NCOA6: variants seen among roughly 807,000 people sequenced by gnomAD.
NCOA6 encodes NRC RAP250.
NCOA6 carries 49 observed loss-of-function variants against 171.4 expected under a neutral mutation model. The ratio of observed to expected loss-of-function variants is 0.29; its 90% CI spans 0.23 to 0.36. The LOEUF (loss-of-function observed/expected upper bound fraction) is 0.36. Among genes scored for constraint, NCOA6 ranks in the 10% least tolerant of loss-of-function variants. The pLI is 1.00. For synonymous variants in NCOA6, 910 were observed against 927.5 expected (o/e 0.98, Z 0.34); for missense variants, 2,248 against 2,554.5 (o/e 0.88, Z 2.59).
At chr20:34,758,331 GA>G (rs764011060) in intron 6 of NCOA6, among the ~76,000 whole-genome samples, 21 of 152,290 alleles carry the variant, frequency 1.4e-4, no homozygotes, top group Non-Finnish European at 2.1e-4. Context: ...GTAAAACATG[GA>G]GACCAGTATT....
rs1422994729 is a variant in NCOA6, at chr20:34,742,723, C to T, written c.3533G>A (p.Gly1178Asp). ...TACAGGGGGTTGCTGGGGAGTTGCA[C>T]CTTGAGTTGCTGAAAGGGGCGATGG... is the stretch of plus-strand genomic sequence containing the variant. ...PGPSPLSATQ[G>D]ATPQQPPVNS... Residue 1178 changes from glycine to aspartate, a missense_variant, in exon 11 of 15, where the codon GGT (glycine) becomes GAT (aspartate). Gly to Asp is a moderately conservative substitution (Grantham distance 94). Transcript: ENST00000359003. The T allele has an allele frequency of 1.2e-6, 2 of 1,613,930 alleles. No individual in the cohort carries two copies. Among genetic ancestry groups the T allele is most frequent in the South Asian group, 1.1e-5 (1 of 91,078 alleles).
chr20:34,823,420 T>C (rs901913633), intron 1 of NCOA6, among the ~76,000 whole-genome samples: 1 of 152,192 alleles, frequency 6.6e-6, no homozygotes, highest in African/African-American at 2.4e-5. Context: ...TTGCTGTATA[T>C]ACATATGGTA....
intron 12 of NCOA6, among the ~76,000 whole-genome samples, chr20:34,734,227 C>A (rs1243468290): frequency 2.0e-5 from 3 of 151,948 alleles, no homozygotes; most frequent in African/African-American, 7.3e-5. Context: ...ACCAGGCCAG[C>A]TAATTTTTGT....
At chr20:34,806,876 C>T (rs2078468595) in intron 1 of NCOA6, among the ~76,000 whole-genome samples, 1 of 152,134 alleles carries the variant, frequency 6.6e-6, no homozygotes, top group Admixed American at 6.6e-5. Context: ...ATTGCTTTGG[C>T]TACTCAAGGT....
rs946451659 is a variant in NCOA6, at chr20:34,724,403, A to G, written c.6148+2856T>C. ...AGACATAACCTGCCAACAGCAGCTG[A>G]GTCCTCAGATCCGTGTCTAGTGTCT... On this transcript the variant is annotated intron_variant, in intron 14 of 14. Transcript: ENST00000359003. 6.6e-5 allele frequency among the ~76,000 whole-genome samples: 10 copies of G among 152,296 alleles called. No homozygotes were observed. The Middle Eastern group carries it at 0.014, about 207-fold the overall frequency.
At chr20:34,814,839 G>A (rs752158972) in intron 1 of NCOA6, among the ~76,000 whole-genome samples, 2 of 152,152 alleles carry the variant, frequency 1.3e-5, no homozygotes, top group African/African-American at 2.4e-5. Context: ...TGATCCACCC[G>A]CCTTGGCCTT....
chr20:34,746,666 C>T, intron 10 of NCOA6, 141 bp downstream of exon 10: 1 of 1,012,164 alleles, frequency 9.9e-7, no homozygotes, highest in Non-Finnish European at 1.3e-6. Context: ...GGCAAAGCTT[C>T]CAAATACCAG....
chr20:34,752,954 A>G (rs956963932), intron 8 of NCOA6, among the ~76,000 whole-genome samples: 1 of 151,834 alleles, frequency 6.6e-6, no homozygotes, highest in Non-Finnish European at 1.5e-5. Flanking sequence ...ACAAACAAAA[A>G]ACATGTACAT....
intron 3 of NCOA6, among the ~76,000 whole-genome samples, chr20:34,778,144 C>T (rs996359244): frequency 1.3e-5 from 2 of 152,054 alleles, no homozygotes; most frequent in African/African-American, 2.4e-5. Context: ...ACCTCATGAT[C>T]GCCCGCCTCG....
At chr20:34,777,263 C>T (rs1463000770) in intron 3 of NCOA6, among the ~76,000 whole-genome samples, 2 of 152,022 alleles carry the variant, frequency 1.3e-5, no homozygotes, top group African/African-American at 2.4e-5. Flanking sequence ...ACCACCATTA[C>T]CATGGCTACT....
intron 1 of NCOA6, among the ~76,000 whole-genome samples, chr20:34,796,815 G>A (rs959227840): frequency 4.1e-5 from 6 of 146,914 alleles, no homozygotes; most frequent in Non-Finnish European, 7.5e-5. Context: ...CTAGCATCCC[G>A]TCTCAAATTA....
rs146148388 is a variant in NCOA6 at position 34,758,892 on chromosome 20, G to A, written c.556C>T (p.Pro186Ser). The change falls in exon 6 of 15, where the codon CCG becomes TCG. Residue 186 changes from proline (P) to serine (S), a missense_variant. Around this residue, in one of 7 missense-constraint regions of NCOA6, gnomAD observed 987 missense variants for 1,104.7 expected, o/e 0.89. Coordinates refer to ENST00000359003, the MANE Select transcript of NCOA6 (RefSeq NM_014071.5). ...MNNPATVMIP[P>S]GGNVSSSMMA... ...ATGGAAGATGACACATTTCCACCCG[G>A]GGGTATCATAACAGTGGCAGGGTTG... The A allele has an allele frequency of 1.9e-3, 2,998 of 1,613,858 alleles. 2 individuals are homozygous for A. The highest frequency in any genetic ancestry group is 2.2e-3 in the Non-Finnish European group (2,607 of 1,179,912).
rs112038787 is a variant in NCOA6, at chr20:34,730,776, C to T, written c.5999+1783G>A. 1.5e-3 allele frequency among the ~76,000 whole-genome samples: 220 copies of T among 147,034 alleles called. 1 individual carries two copies. Among genetic ancestry groups the T allele is most frequent in the Non-Finnish European group, 2.7e-3 (181 of 67,330 alleles). ...TGCTCATGTTGGAGTGCAGTGAGCA[C>T]GACCATGGCTCACTGCAACCTCGAC... On this transcript the variant is annotated intron_variant, in intron 13 of 14. Coordinates refer to ENST00000359003, the MANE Select transcript of NCOA6 (RefSeq NM_014071.5).
chr20:34,744,261 T>C (rs929802158), intron 10 of NCOA6, among the ~76,000 whole-genome samples: 23 of 152,222 alleles, frequency 1.5e-4, no homozygotes, highest in African/African-American at 5.1e-4. Context: ...CTTCTAGATA[T>C]GCAGAGGGCA....
At chr20:34,784,021 C>T (rs1382548693) in intron 2 of NCOA6, among the ~76,000 whole-genome samples, 4 of 151,670 alleles carry the variant, frequency 2.6e-5, no homozygotes, top group Non-Finnish European at 4.4e-5. Context: ...ATACTTATAA[C>T]TATAATTACA....
intron 10 of NCOA6, among the ~76,000 whole-genome samples, 190 bp downstream of exon 10, chr20:34,746,617 C>G (rs983325996): frequency 1.1e-4 from 16 of 152,060 alleles, no homozygotes; most frequent in African/African-American, 2.4e-4. Context: ...TGTGTATGTG[C>G]CTTCAAAAGT....
intron 1 of NCOA6, among the ~76,000 whole-genome samples, chr20:34,800,908 C>T (rs1220906069): frequency 1.3e-5 from 2 of 152,128 alleles, no homozygotes; most frequent in Non-Finnish European, 2.9e-5. Context: ...GCTGCAGAAT[C>T]CACATTCTTC....
intron 5 of NCOA6, among the ~76,000 whole-genome samples, chr20:34,759,579 T>C (rs916318407): frequency 2.0e-5 from 3 of 152,216 alleles, no homozygotes; most frequent in African/African-American, 7.2e-5. Flanking sequence ...TTTGTATAAA[T>C]GGCACCTTAC....
intron 1 of NCOA6, among the ~76,000 whole-genome samples, chr20:34,813,318 T>G (rs187597522): frequency 5.3e-5 from 8 of 151,566 alleles, no homozygotes; most frequent in African/African-American, 1.9e-4. Context: ...ATATAAAAAT[T>G]AGCCAGGCAT....
Sources: gnomAD v4.1 joint callset for allele counts (sites outside exome capture counted in the v4.1 genomes callset) on GRCh38, gnomAD v4.1.1 for gene constraint, gnomAD v4.1.1 regional missense constraint, MANE v1.5 for transcripts, NCBI Gene and HGNC (gene_info 2026-07-23, HGNC 2026-07-21) for gene names.